Variants in TH observed in about 807,000 individuals in gnomAD.
TH encodes the protein tyrosine hydroxylase.
TH carries 49 observed loss-of-function variants against 57.4 expected under a neutral mutation model. That is an observed-to-expected ratio of 0.85 (90% CI 0.68 to 1.08). The LOEUF (loss-of-function observed/expected upper bound fraction) is 1.08. Among genes scored for constraint, TH ranks in the 50% least tolerant of loss-of-function variants. TH has a pLI of 0.00. For synonymous variants in TH, 330 were observed against 304.5 expected, an observed-to-expected ratio of 1.08 and a Z score of -0.87; for missense variants, 720 against 696.7, an observed-to-expected ratio of 1.03 and a Z score of -0.38.
intron 5 of TH, 28 bp downstream of exon 5, chr11:2,167,838 C>T: frequency 6.3e-7 from 1 of 1,580,576 alleles, no homozygotes; most frequent in Non-Finnish European, 8.6e-7. Context: ...AGGACGGAGT[C>T]TGGGTCCCGA....
rs75348531 is a variant in TH at position 2,169,680 on chromosome 11, C to T, written c.282G>A (p.Ser94=). ...ACACCTTCACAGCTCGGGACAGCGC[C>T]GAGGGCTTGGTGGCCCTCGGGGAGA... ...LLFSPRATKP[S]ALSRAVKVFE... Residue 94 remains serine (S), a synonymous_variant, in exon 2 of 13, where the codon TCG becomes TCA. Coordinates refer to ENST00000352909, the MANE Select transcript of TH (RefSeq NM_000360.4). 1.8e-5 allele frequency: 29 copies of T among 1,613,296 alleles called. No individual in the cohort carries two copies. The highest frequency in any genetic ancestry group is 6.7e-5 in the East Asian group (3 of 44,844).
rs534190475 is a variant in TH, at chr11:2,171,621, G to A, written c.90+76C>T. 127 of 1,519,884 alleles carry A rather than the reference G, an allele frequency of 8.4e-5. No homozygotes were observed. Among genetic ancestry groups the A allele is most frequent in the Middle Eastern group, 2.3e-4 (1 of 4,370 alleles). 94.1% of individuals were successfully genotyped at this position (1,519,884 alleles called of 1,614,324 possible). A position where few individuals can be genotyped will look rare whatever the true frequency, so the allele number is the denominator to read the frequency against. ...AGCCTGGGGCTGCCAGCCAGGCTGG[G>A]GAGTAGCAGAGGCAGCTGGCACCAG... On this transcript the variant is annotated intron_variant, in intron 1 of 12. Coordinates refer to ENST00000352909, the MANE Select transcript of TH (RefSeq NM_000360.4). The surrounding 1 kb of genome is among the most constrained non-coding windows in gnomAD (Gnocchi z 8.6).
intron 12 of TH, 127 bp downstream of exon 12, chr11:2,165,105 A>T (rs2070762): frequency 7.0e-7 from 1 of 1,426,430 alleles, no homozygotes; most frequent in Non-Finnish European, 9.7e-7. Flanking sequence ...GGCTGCTGCA[A>T]CCAGGGGTCG....
Position 2,166,911 on chromosome 11 carries a change from C to A in TH, c.817G>T (p.Glu273Ter). ...GYREDNIPQL[E>*]DVSRFLKERT... ...CCCTTCAGGAAGCGGGAGACGTCCT[C>A]CAGCTGGGGGATATTGTCTTCCCGG... The change falls in exon 7 of 13, where the codon GAG becomes TAG. Residue 273 changes from glutamate (E) to a stop codon, truncating the protein, a stop_gained. Transcript: ENST00000352909. LOFTEE classifies it high-confidence loss of function. 1 of 1,604,668 alleles carries A rather than the reference C, an allele frequency of 6.2e-7. No homozygotes were observed. Among genetic ancestry groups the A allele is most frequent in the East Asian group, 2.2e-5 (1 of 44,558 alleles).
In TH at chr11:2,167,392, C is replaced by A. The variant is rs903715632; in HGVS notation, c.695+43G>T. On this transcript the variant is annotated intron_variant, in intron 6 of 12. Transcript: ENST00000352909. ...CACACGCCAGGATTCCAGGAGGCAT[C>A]CCCCGGGCTCCTCCCCAGCCCCTAG... 3.9e-6 allele frequency: 6 copies of A among 1,548,420 alleles called. No homozygotes were observed. The African/African-American group carries it at 8.2e-5, about 21-fold the overall frequency.
chr11:2,169,987 G>A (rs1846209688), intron 1 of TH, 116 bp from the exon 2 acceptor site: 1 of 1,102,884 alleles, frequency 9.1e-7, no homozygotes, highest in Non-Finnish European at 1.3e-6. Context: ...GGGGATGAGA[G>A]CACGTTTTTG....
intron 3 of TH, among the ~76,000 whole-genome samples, 154 bp from the exon 4 acceptor site, chr11:2,168,333 G>C (rs112031747): frequency 6.6e-6 from 1 of 152,110 alleles, no homozygotes; most frequent in Non-Finnish European, 1.5e-5. Flanking sequence ...CCCCAGGCCC[G>C]GACACGGATG....
At chr11:2,166,854 C>A (rs375452446) in intron 7 of TH, 33 bp downstream of exon 7, 1 of 1,593,106 alleles carries the variant, frequency 6.3e-7, no homozygotes, top group Non-Finnish European at 8.5e-7. Flanking sequence ...ATCCCCGGCC[C>A]CCCGGCTCTG....
Position 2,170,582 on chromosome 11 carries a change from G to T in TH, c.91-711C>A. 2.0e-6 allele frequency: 2 copies of T among 1,009,884 alleles called. No homozygotes were observed. The highest frequency in any genetic ancestry group is 3.0e-6 in the Non-Finnish European group (2 of 657,614). 62.6% of individuals were successfully genotyped at this position (1,009,884 alleles called of 1,614,324 possible). On this transcript the variant is annotated intron_variant, in intron 1 of 12. Transcript: ENST00000352909. This position sits in a 1 kb window ranked among gnomAD's most constrained non-coding sequence, Gnocchi z 6.0. ...TCCCTTGGAGCTGAACTCCCAAGAA[G>T]GCTCTGGGCCCCTTGTAAGAGAAGA...
Position 2,171,624 on chromosome 11 carries a change from G to A in TH, c.90+73C>T. On this transcript the variant is annotated intron_variant, in intron 1 of 12. Transcript: ENST00000352909. This position sits in a 1 kb window ranked among gnomAD's most constrained non-coding sequence, Gnocchi z 8.6. ...CTGGGGCTGCCAGCCAGGCTGGGGA[G>A]TAGCAGAGGCAGCTGGCACCAGCCC... 1 of 1,532,282 alleles carries A rather than the reference G, an allele frequency of 6.5e-7. No individual in the cohort carries two copies. The highest frequency in any genetic ancestry group is 1.1e-5 in the South Asian group (1 of 88,890). The allele number at this position is 1,532,282 out of a possible 1,614,324, so 94.9% of individuals were successfully genotyped here.
chr11:2,171,605 C>A lies in TH; in HGVS notation c.90+92G>T. 1 of 1,420,494 alleles carries A rather than the reference C, an allele frequency of 7.0e-7. No individual in the cohort carries two copies. Among genetic ancestry groups the A allele is most frequent in the Non-Finnish European group, 9.8e-7 (1 of 1,024,356 alleles). 88.0% of individuals were successfully genotyped at this position (1,420,494 alleles called of 1,614,324 possible). A position where few individuals can be genotyped will look rare whatever the true frequency, so the allele number is the denominator to read the frequency against. On this transcript the variant is annotated intron_variant, in intron 1 of 12. Coordinates refer to ENST00000352909, the MANE Select transcript of TH (RefSeq NM_000360.4). The surrounding 1 kb of genome is among the most constrained non-coding windows in gnomAD (Gnocchi z 8.6). ...GTTTGCATGGACCCTGAGCCTGGGG[C>A]TGCCAGCCAGGCTGGGGAGTAGCAG...
At chr11:2,166,302 C>G in intron 9 of TH, 178 bp downstream of exon 9, 1 of 965,894 alleles carries the variant, frequency 1.0e-6, no homozygotes, top group Non-Finnish European at 1.5e-6. Flanking sequence ...CAGCACAGGC[C>G]GTGGGAGGCT....
In TH at chr11:2,165,747, A is replaced by G. The variant is rs1846072496; in HGVS notation, c.1121T>C (p.Val374Ala). Residue 374 changes from valine to alanine, a missense_variant, in exon 11 of 13, where the codon GTG (valine) becomes GCG (alanine). Transcript: ENST00000352909. ...EKLSTLYWFT[V>A]EFGLCKQNGE... Reference sequence around the variant, plus strand: ...GTTCTGCTTACACAGCCCGAACTCCACCGTGAACCAGTACAGCTGCGGGGA... The same window carrying G: ...GTTCTGCTTACACAGCCCGAACTCCGCCGTGAACCAGTACAGCTGCGGGGA... 1.2e-6 allele frequency: 2 copies of G among 1,612,606 alleles called. No homozygotes were observed. The highest frequency in any genetic ancestry group is 8.5e-7 in the Non-Finnish European group (1 of 1,179,926).
rs76831425 is a variant in TH, at chr11:2,168,516, G to T, written c.462C>A (p.Asp154Glu). Residue 154 changes from aspartate (D) to glutamate (E), a missense_variant, in exon 3 of 13, where the codon GAC becomes GAA. Coordinates refer to ENST00000352909, the MANE Select transcript of TH (RefSeq NM_000360.4). ...CCTTGGGCCCCGCGGGGCTGCGCAC[G>T]TCCTCTGACACCTGGCGCACACCAC... Reference protein sequence around the residue: ...LLSGVRQVSEDVRSPAGPKVP... With the variant: ...LLSGVRQVSEEVRSPAGPKVP... 1 of 1,612,328 alleles carries T rather than the reference G, an allele frequency of 6.2e-7. No homozygotes were observed. The highest frequency in any genetic ancestry group is 1.3e-5 in the African/African-American group (1 of 75,014).
chr11:2,169,847 G>C lies in TH; in HGVS notation c.115C>G (p.Gln39Glu), dbSNP rs886048115. The change falls in exon 2 of 13, where the codon CAG becomes GAG. Residue 39 changes from glutamine (Q) to glutamate (E), a missense_variant. Transcript: ENST00000352909. Reference protein sequence around the residue: ...IMSPRFIGRRQSLIEDARKER... With the variant: ...IMSPRFIGRRESLIEDARKER... ...TTGCGGGCGTCCTCGATGAGGCTCTGCCTGCGCCCAATGAACCGCGGGGAC... is the reference window on the plus strand; with the variant it reads ...TTGCGGGCGTCCTCGATGAGGCTCTCCCTGCGCCCAATGAACCGCGGGGAC... 5.0e-6 allele frequency: 8 copies of C among 1,610,366 alleles called. No individual in the cohort carries two copies. The highest frequency in any genetic ancestry group is 6.8e-6 in the Non-Finnish European group (8 of 1,179,590).
Position 2,168,648 on chromosome 11 carries a change from G to C in TH, c.330C>G (p.Ile110Met). The C allele has an allele frequency of 6.8e-7, 1 of 1,467,674 alleles. No homozygotes were observed. Among genetic ancestry groups the C allele is most frequent in the South Asian group, 1.1e-5 (1 of 89,276 alleles). 90.9% of individuals were successfully genotyped at this position (1,467,674 alleles called of 1,614,324 possible). The part of the protein sequence containing the change: ...VKVFETFEAK[I>M]HHLETRPAQR... ...GGGCGGGCCGGGTCTCTAGATGGTG[G>C]ATTTTGGCTTCAAACGTCTTAGGGA... The change falls in exon 3 of 13, where the codon ATC (isoleucine) becomes ATG (methionine). Residue 110 changes from isoleucine (I) to methionine (M), a missense_variant. Physicochemically the swap from Ile to Met is conservative, Grantham distance 10. Coordinates refer to ENST00000352909, the MANE Select transcript of TH (RefSeq NM_000360.4).
Position 2,169,639 on chromosome 11 carries a change from C to A in TH, c.312+11G>T. The A allele has an allele frequency of 6.2e-7, 1 of 1,613,342 alleles. No individual in the cohort carries two copies. The highest frequency in any genetic ancestry group is 1.3e-5 in the African/African-American group (1 of 74,990). ...GAACTTGCCCCAGGGACACGAAGGC[C>A]ACCAGCTCACCTCAAACACCTTCAC... On this transcript the variant is annotated intron_variant, in intron 2 of 12. Coordinates refer to ENST00000352909, the MANE Select transcript of TH (RefSeq NM_000360.4).
chr11:2,164,392 C>A lies in TH; in HGVS notation c.1335G>T (p.Arg445Ser), dbSNP rs762686269. 2 of 1,547,736 alleles carry A rather than the reference C, an allele frequency of 1.3e-6. No individual in the cohort carries two copies. Among genetic ancestry groups the A allele is most frequent in the East Asian group, 2.4e-5 (1 of 41,894 alleles). ...ESFSDAKDKL[R>S]SYASRIQRPF... ...GGCGCTGGATGCGTGAGGCATAGCTCCTGGGGAGGAGAGCGGCAGAGCCCT... is the reference window on the plus strand; with the variant it reads ...GGCGCTGGATGCGTGAGGCATAGCTACTGGGGAGGAGAGCGGCAGAGCCCT... Residue 445 changes from arginine (R) to serine (S), a missense_variant and splice_region_variant, in exon 13 of 13, where the codon AGG becomes AGT. Transcript: ENST00000352909.
At position 2,167,925 on chromosome 11, in the gene TH, C is replaced by T. The variant is rs376615793; in HGVS notation, c.585G>A (p.Ser195=). 2.7e-4 allele frequency: 436 copies of T among 1,611,380 alleles called. No homozygotes were observed. Among genetic ancestry groups the T allele is most frequent in the Non-Finnish European group, 3.5e-4 (416 of 1,179,422 alleles). ...TCCTGCGCTGGCGGTACACCTGGTC[C>T]GAGAAGCCCTGAGGGCAGAGGGGAT... ...PDLDLDHPGF[S]DQVYRQRRKL... The change falls in exon 5 of 13, where the codon TCG becomes TCA. Residue 195 remains serine, a synonymous_variant. Coordinates refer to ENST00000352909, the MANE Select transcript of TH (RefSeq NM_000360.4).
Sources: allele counts gnomAD v4.1 joint callset (sites outside exome capture counted in the v4.1 genomes callset), GRCh38; gene constraint gnomAD v4.1.1; non-coding constraint Gnocchi (gnomAD v3.1); transcripts MANE v1.5; gene names NCBI Gene and HGNC (gene_info 2026-07-23, HGNC 2026-07-21).